Variants in KCNU1 observed in about 807,000 individuals in gnomAD.
The protein encoded by KCNU1 is potassium calcium-activated channel subfamily U member 1.
In KCNU1, 93 loss-of-function variants were observed where a neutral mutation model predicts 126.8. That is an observed-to-expected ratio of 0.73 (90% CI 0.62 to 0.87). The LOEUF (loss-of-function observed/expected upper bound fraction) is 0.87, where lower values mean the gene tolerates loss of function less well. Among genes scored for constraint, KCNU1 ranks in the 40% least tolerant of loss-of-function variants. The pLI, the probability that KCNU1 is intolerant of heterozygous loss-of-function variation, is 0.00. For synonymous variants in KCNU1, 523 were observed against 494.2 expected, an observed-to-expected ratio of 1.06 and a Z score of -0.77; for missense variants, 1,330 against 1,367.1, an observed-to-expected ratio of 0.97 and a Z score of 0.43.
At chr8:36,817,589 T>C in intron 9 of KCNU1, 61 bp from the exon 10 acceptor site, 1 of 794,030 alleles carries the variant, frequency 1.3e-6, no homozygotes, top group South Asian at 1.5e-5. Flanking sequence ...TATCTCTAAA[T>C]GCTGACAGGA....
chr8:36,847,897 A>G lies in KCNU1; in HGVS notation c.1891+1998A>G, dbSNP rs555942464. ...TTGATGAATTCCCATACAGCTTTCCATAGCAGCTATACTAATTCATGTTTC... is the reference window on the plus strand; with the variant it reads ...TTGATGAATTCCCATACAGCTTTCCGTAGCAGCTATACTAATTCATGTTTC... On this transcript the variant is annotated intron_variant, in intron 18 of 26. Transcript: ENST00000399881. 1.4e-4 allele frequency among the ~76,000 whole-genome samples: 21 copies of G among 152,322 alleles called. No individual in the cohort carries two copies. In the East Asian group the frequency reaches 3.7e-3, roughly 27 times the overall value.
chr8:36,890,482 G>A (rs951888387), intron 19 of KCNU1, among the ~76,000 whole-genome samples: 2 of 151,782 alleles, frequency 1.3e-5, no homozygotes, highest in African/African-American at 4.8e-5. Context: ...CAAATTTGAG[G>A]TCAACTCCTA....
chr8:36,922,870 A>G (rs1808408668), intron 24 of KCNU1: 2 of 580,748 alleles, frequency 3.4e-6, no homozygotes, highest in South Asian at 3.3e-5. Flanking sequence ...CCCTGATGCC[A>G]GGAAGAGTGA....
rs562243650 is a variant in KCNU1 at position 36,837,942 on chromosome 8, T to C, written c.1518+997T>C. Among the ~76,000 whole-genome samples the C allele has an allele frequency of 4.1e-4, 62 of 152,310 alleles. 1 individual carries two copies. Among genetic ancestry groups the C allele is most frequent in the African/African-American group, 1.5e-3 (62 of 41,570 alleles). On this transcript the variant is annotated intron_variant, in intron 14 of 26. Coordinates refer to ENST00000399881, the MANE Select transcript of KCNU1 (RefSeq NM_001031836.3). ...CTTTTTTCTGTGTTCAGTACAAATA[T>C]TTGCATCTTTTTCTGTTTCTTCCCT...
At chr8:36,895,478 A>T (rs1295839024) in intron 19 of KCNU1, among the ~76,000 whole-genome samples, 1 of 152,062 alleles carries the variant, frequency 6.6e-6, no homozygotes, top group Non-Finnish European at 1.5e-5. Flanking sequence ...TGACTTCAAA[A>T]CTTATTATTC....
intron 11 of KCNU1, 77 bp from the exon 12 acceptor site, chr8:36,834,709 A>G: frequency 2.3e-6 from 2 of 864,616 alleles, no homozygotes; most frequent in Non-Finnish European, 3.7e-6. Context: ...CAAAATTGTT[A>G]GAAAACCCGA....
chr8:36,871,178 A>T (rs920448782), intron 19 of KCNU1, among the ~76,000 whole-genome samples: 1 of 152,198 alleles, frequency 6.6e-6, no homozygotes, highest in Non-Finnish European at 1.5e-5. Flanking sequence ...ACATATACAT[A>T]TAAAAACTAT....
chr8:36,860,296 C>G (rs151242932), intron 18 of KCNU1, among the ~76,000 whole-genome samples: 266 of 152,222 alleles, frequency 1.7e-3, no homozygotes, highest in Non-Finnish European at 2.3e-3. Flanking sequence ...CCAGGATGGT[C>G]TCAATCTCCT....
intron 7 of KCNU1, among the ~76,000 whole-genome samples, chr8:36,811,643 T>C (rs1415354564): frequency 6.6e-6 from 1 of 152,110 alleles, no homozygotes; most frequent in Non-Finnish European, 1.5e-5. Context: ...TAAGAAGTAG[T>C]GGTAGTGGCT....
At position 36,840,915 on chromosome 8, in the gene KCNU1, C is replaced by T. The variant is rs201855930; in HGVS notation, c.1632-17C>T. ...TGACCGCTTGCTCTCCTTTTGACTC[C>T]TCGTCTTCCTTCCCAGGCTCTGCTT... On this transcript the variant is annotated splice_polypyrimidine_tract_variant and intron_variant, in intron 15 of 26. Coordinates refer to ENST00000399881, the MANE Select transcript of KCNU1 (RefSeq NM_001031836.3). 2.2e-4 allele frequency: 355 copies of T among 1,596,316 alleles called. 8 individuals are homozygous for T. In the East Asian group the frequency reaches 3.9e-3, roughly 18 times the overall value.
intron 2 of KCNU1, among the ~76,000 whole-genome samples, chr8:36,792,879 A>G (rs1344092133): frequency 6.6e-6 from 1 of 152,182 alleles, no homozygotes; most frequent in African/African-American, 2.4e-5. Flanking sequence ...AAAATATCTC[A>G]GGACTTATAT....
At chr8:36,862,203 AATAG>A (rs1352029274) in intron 18 of KCNU1, among the ~76,000 whole-genome samples, 5 of 152,146 alleles carry the variant, frequency 3.3e-5, no homozygotes, top group African/African-American at 4.8e-5. Context: ...ATAGATAGAT[AATAG>A]ATAGATAGAA....
At chr8:36,905,936 C>T in intron 20 of KCNU1, 132 bp downstream of exon 20, 1 of 550,052 alleles carries the variant, frequency 1.8e-6, no homozygotes, top group Non-Finnish European at 3.2e-6. Flanking sequence ...GAAAAAAACC[C>T]ACATCCCTCA....
rs201582866 is a variant in KCNU1, at chr8:36,905,730, C to G, written c.2032C>G (p.Gln678Glu). Residue 678 changes from glutamine to glutamate, a missense_variant, in exon 20 of 27, where the codon CAA (glutamine) becomes GAA (glutamate). Physicochemically the swap from Gln to Glu is conservative, Grantham distance 29. Around this residue, in one of 3 missense-constraint regions of KCNU1, gnomAD observed 1,054 missense variants for 1,053.9 expected, o/e 1.00. Transcript: ENST00000399881. ...TTRTLQHDVE[Q>E]DSDQLDSSGM... ...TAGGACTCTTCAACATGATGTAGAA[C>G]AAGATTCTGACCAGCTTGATAGCAG... is the stretch of plus-strand genomic sequence containing the variant. 6.2e-7 allele frequency: 1 copy of G among 1,602,036 alleles called. No homozygotes were observed. Among genetic ancestry groups the G allele is most frequent in the Non-Finnish European group, 8.5e-7 (1 of 1,169,596 alleles).
intron 7 of KCNU1, among the ~76,000 whole-genome samples, chr8:36,809,782 C>CT (rs901777803): frequency 1.1e-4 from 17 of 152,144 alleles, no homozygotes; most frequent in African/African-American, 3.1e-4. Context: ...GTCATTAGGA[C>CT]TTTTTTTTCT....
At chr8:36,911,592 A>G (rs1807879334) in intron 22 of KCNU1, among the ~76,000 whole-genome samples, 1 of 152,194 alleles carries the variant, frequency 6.6e-6, no homozygotes, top group African/African-American at 2.4e-5. Flanking sequence ...TGATTTCAGT[A>G]TATGAATTTT....
intron 19 of KCNU1, among the ~76,000 whole-genome samples, chr8:36,881,101 A>G (rs1806459662): frequency 6.6e-6 from 1 of 152,204 alleles, no homozygotes; most frequent in African/African-American, 2.4e-5. Context: ...ATGTGCCCTT[A>G]GGGGTCATTA....
At chr8:36,893,649 G>A (rs1461794648) in intron 19 of KCNU1, among the ~76,000 whole-genome samples, 3 of 151,996 alleles carry the variant, frequency 2.0e-5, no homozygotes, top group African/African-American at 7.2e-5. Context: ...ATAGTGGAAT[G>A]GGAATAGCAC....
chr8:36,815,267 T>A (rs1315451598), intron 8 of KCNU1, among the ~76,000 whole-genome samples: 1 of 151,826 alleles, frequency 6.6e-6, no homozygotes, highest in Non-Finnish European at 1.5e-5. Flanking sequence ...GAGGCAGAGG[T>A]TGCACCCCAG....
Sources: allele counts gnomAD v4.1 joint callset (sites outside exome capture counted in the v4.1 genomes callset), GRCh38; gene constraint gnomAD v4.1.1; regional missense constraint gnomAD v4.1.1; transcripts MANE v1.5; gene names NCBI Gene and HGNC (gene_info 2026-07-23, HGNC 2026-07-21).